Variants in TTC3 observed in about 807,000 individuals in gnomAD.
TTC3 encodes tetratricopeptide repeat domain 3, also known as E3 ubiquitin-protein ligase TTC3.
A neutral mutation model predicts 249.6 loss-of-function variants in TTC3; 180 were observed. The ratio of observed to expected loss-of-function variants is 0.72; its 90% CI spans 0.64 to 0.82. The LOEUF (loss-of-function observed/expected upper bound fraction) is 0.82. Among genes scored for constraint, TTC3 ranks in the 40% least tolerant of loss-of-function variants. The pLI, the probability that TTC3 is intolerant of heterozygous loss-of-function variation, is 0.00. For missense variants in TTC3, 2,061 were observed against 2,398.4 expected (o/e 0.86, Z 2.94); for synonymous variants, 717 against 805.0 (o/e 0.89, Z 1.85).
At chr21:37,180,656 T>C (rs1441676828) in intron 35 of TTC3, among the ~76,000 whole-genome samples, 1 of 148,482 alleles carries the variant, frequency 6.7e-6, no homozygotes, top group African/African-American at 2.5e-5. Flanking sequence ...ATATACCTAA[T>C]GCTAGATGAC....
chr21:37,156,881 T>A, exon 28 of TTC3: 5 of 1,613,840 alleles, frequency 3.1e-6, no homozygotes, highest in Non-Finnish European at 4.2e-6. Context: ...TGCATAGTGC[T>A]TTAGATGAAT....
chr21:37,147,377 C>A, intron 21 of TTC3, 104 bp from the exon 22 acceptor site: 1 of 1,152,002 alleles, frequency 8.7e-7, no homozygotes, highest in East Asian at 2.8e-5. Context: ...TTTAGTCATT[C>A]TTATGCTGAA....
chr21:37,092,194 A>T (rs2073362945), intron 7 of TTC3, among the ~76,000 whole-genome samples: 1 of 152,230 alleles, frequency 6.6e-6, no homozygotes, highest in Non-Finnish European at 1.5e-5. Context: ...TAGTTATAGG[A>T]ATCTTGAAAC....
intron 26 of TTC3, 57 bp from the exon 27 acceptor site, chr21:37,152,894 T>G (rs1364449642): frequency 7.4e-7 from 1 of 1,358,160 alleles, no homozygotes; most frequent in East Asian, 2.4e-5. Flanking sequence ...ATTTCTAAGT[T>G]TATGTAATTG....
intron 21 of TTC3, among the ~76,000 whole-genome samples, chr21:37,146,850 G>A (rs1278736060): frequency 6.6e-6 from 1 of 152,200 alleles, no homozygotes; most frequent in Non-Finnish European, 1.5e-5. Context: ...TGTAAATTAT[G>A]TCTCAACAAA....
intron 10 of TTC3, among the ~76,000 whole-genome samples, chr21:37,102,306 A>G (rs958038604): frequency 1.3e-5 from 2 of 152,230 alleles, no homozygotes; most frequent in Non-Finnish European, 2.9e-5. Flanking sequence ...TGATCTGGTC[A>G]TATCCTGAAA....
At chr21:37,193,518 G>A (rs2084460418) in intron 41 of TTC3, among the ~76,000 whole-genome samples, 1 of 152,148 alleles carries the variant, frequency 6.6e-6, no homozygotes, top group African/African-American at 2.4e-5. Flanking sequence ...CCAAGTTCTT[G>A]TAACAGATAT....
chr21:37,145,339 C>T (rs1167187345), intron 21 of TTC3, among the ~76,000 whole-genome samples: 1 of 152,196 alleles, frequency 6.6e-6, no homozygotes, highest in Non-Finnish European at 1.5e-5. Context: ...TCTGAATAGA[C>T]ATTTCTGCAA....
At chr21:37,125,978 G>A (rs1165614473) in intron 14 of TTC3, 102 bp from the exon 15 acceptor site, 33 of 1,107,728 alleles carry the variant, frequency 3.0e-5, no homozygotes, top group Non-Finnish European at 4.1e-5. Context: ...CTGCTAGGGT[G>A]AATTCTATCC....
At chr21:37,165,781 A>T in exon 33 of TTC3, 2 of 1,613,938 alleles carry the variant, frequency 1.2e-6, no homozygotes, top group Non-Finnish European at 1.7e-6. Context: ...ACATTAAAAC[A>T]AAAGTAGAAG....
chr21:37,197,967 T>A (rs1334833525), exon 44 of TTC3: 10 of 1,613,858 alleles, frequency 6.2e-6, no homozygotes, highest in Non-Finnish European at 8.5e-6. Flanking sequence ...CCCTCGGTGG[T>A]TGTTGCACCA....
chr21:37,163,289 G>T (rs945920109), intron 31 of TTC3, among the ~76,000 whole-genome samples: 1 of 152,214 alleles, frequency 6.6e-6, no homozygotes, highest in Non-Finnish European at 1.5e-5. Context: ...AAGTCATGCA[G>T]CCTGGTTTTA....
chr21:37,073,337 G>C (rs967597881), exon 1 of TTC3: 2 of 684,120 alleles, frequency 2.9e-6, no homozygotes, highest in African/African-American at 3.9e-5. Context: ...TGCTGCCCGC[G>C]TCCGAGGCTC....
exon 33 of TTC3, chr21:37,166,171 G>A (rs370075443): frequency 1.5e-5 from 25 of 1,613,986 alleles, no homozygotes; most frequent in Admixed American, 1.3e-4. Context: ...GATACTGTAC[G>A]TATCTTCCTT....
chr21:37,081,864 A>C (rs938351483), intron 1 of TTC3: 2 of 132,584 alleles, frequency 1.5e-5, no homozygotes, highest in South Asian at 2.3e-4. Context: ...ATTTTTAATT[A>C]CTTTTTTTTT....
At chr21:37,100,222 T>C (rs1052575262) in intron 10 of TTC3, among the ~76,000 whole-genome samples, 3 of 152,188 alleles carry the variant, frequency 2.0e-5, no homozygotes, top group Non-Finnish European at 4.4e-5. Context: ...ACATGTTAAT[T>C]TCTTGCTAAG....
intron 4 of TTC3, 110 bp downstream of exon 4, chr21:37,088,456 C>T: frequency 7.4e-7 from 1 of 1,345,574 alleles, no homozygotes; most frequent in Non-Finnish European, 1.0e-6. Context: ...GTATGCTGCT[C>T]AACGTTTGTG....
chr21:37,183,069 T>C (rs1191785525), intron 36 of TTC3, among the ~76,000 whole-genome samples, 156 bp downstream of exon 36: 2 of 152,204 alleles, frequency 1.3e-5, no homozygotes, highest in Non-Finnish European at 2.9e-5. Context: ...AAAGTATTCA[T>C]TGAGTAATTA....
chr21:37,198,158 T>A, intron 44 of TTC3, 133 bp downstream of exon 44: 1 of 1,133,568 alleles, frequency 8.8e-7, no homozygotes, highest in Non-Finnish European at 1.2e-6. Flanking sequence ...AATTTCAATG[T>A]ACTTGAATGT....
Sources: gnomAD v4.1 joint callset for allele counts (sites outside exome capture counted in the v4.1 genomes callset) on GRCh38, gnomAD v4.1.1 for gene constraint, MANE v1.5 for transcripts, NCBI Gene and HGNC (gene_info 2026-07-23, HGNC 2026-07-21) for gene names.